The following SSH2 variants were observed in gnomAD, a reference collection of about 807,000 sequenced individuals.
The protein encoded by SSH2 is slingshot protein phosphatase 2.
Under a neutral mutation model 135.2 loss-of-function variants are expected in SSH2, and 37 were observed. The observed-to-expected ratio is 0.27, with a 90% CI of 0.21 to 0.36. The LOEUF (loss-of-function observed/expected upper bound fraction) is 0.36, where lower values mean the gene tolerates loss of function less well. Among genes scored for constraint, SSH2 ranks in the 10% least tolerant of loss-of-function variants. The pLI, the probability that SSH2 is intolerant of heterozygous loss-of-function variation, is 1.00. For missense variants in SSH2, 1,408 were observed against 1,765.3 expected, an observed-to-expected ratio of 0.80 and a Z score of 3.63; for synonymous variants, 628 against 646.2, an observed-to-expected ratio of 0.97 and a Z score of 0.43.
rs1187618605 is a variant in SSH2, at chr17:29,684,567, C to A, written c.475G>T (p.Asp159Tyr). 3 of 1,609,040 alleles carry A rather than the reference C, an allele frequency of 1.9e-6. No homozygotes were observed. The highest frequency in any genetic ancestry group is 2.2e-5 in the South Asian group (2 of 90,844). Reference sequence around the variant, plus strand: ...TTTGAAATGGTACCACCATACCTGTCATTAGAGGAGAAATCCATTCCTAGG... The same window carrying A: ...TTTGAAATGGTACCACCATACCTGTAATTAGAGGAGAAATCCATTCCTAGG... Reference protein sequence around the residue: ...IVLGMDFSSNDSSTCTMGLVL... With the variant: ...IVLGMDFSSNYSSTCTMGLVL... The change falls in exon 6 of 16, where the codon GAC (aspartate) becomes TAC (tyrosine). Residue 159 changes from aspartate (D) to tyrosine (Y), a missense_variant. Physicochemically the swap from Asp to Tyr is radical, Grantham distance 160 (BLOSUM62 -3). Around this residue, in one of 3 missense-constraint regions of SSH2, gnomAD observed 222 missense variants for 355.6 expected, o/e 0.62. Transcript: ENST00000540801.
chr17:29,684,046 G>C (rs2038101065), intron 6 of SSH2, among the ~76,000 whole-genome samples: 1 of 152,124 alleles, frequency 6.6e-6, no homozygotes, highest in Non-Finnish European at 1.5e-5. Flanking sequence ...TGAAGGTATG[G>C]AATAATGGTA....
intron 3 of SSH2, among the ~76,000 whole-genome samples, chr17:29,792,800 C>G (rs1352314585): frequency 6.6e-6 from 1 of 152,188 alleles, no homozygotes; most frequent in Non-Finnish European, 1.5e-5. Flanking sequence ...CCTCAGCCTC[C>G]TGAGTAGCTG....
At chr17:29,891,568 T>A in intron 1 of SSH2, among the ~76,000 whole-genome samples, 1 of 151,430 alleles carries the variant, frequency 6.6e-6, no homozygotes, top group Non-Finnish European at 1.5e-5. Flanking sequence ...AATTCTAAAA[T>A]GTTGAATATT....
At chr17:29,713,765 A>G (rs2039522896) in intron 3 of SSH2, among the ~76,000 whole-genome samples, 1 of 152,110 alleles carries the variant, frequency 6.6e-6, no homozygotes. Flanking sequence ...TTCTCATGAC[A>G]CCACTGCTGT....
intron 1 of SSH2, among the ~76,000 whole-genome samples, chr17:29,916,989 TTC>T (rs775177669): frequency 3.2e-4 from 49 of 152,044 alleles, no homozygotes; most frequent in Non-Finnish European, 5.4e-4. Flanking sequence ...TAAATATAAT[TTC>T]TTACATTTCC....
At chr17:29,916,408 G>C (rs1194480452) in intron 1 of SSH2, among the ~76,000 whole-genome samples, 1 of 151,870 alleles carries the variant, frequency 6.6e-6, no homozygotes, top group Non-Finnish European at 1.5e-5. Context: ...AATTTAAGCA[G>C]ACAGTTTTCC....
chr17:29,676,970 TAA>T, intron 7 of SSH2, 85 bp from the exon 8 acceptor site: 1 of 1,117,352 alleles, frequency 8.9e-7, no homozygotes, highest in East Asian at 2.4e-5. Flanking sequence ...TATCCCAGGC[TAA>T]AAACAACTGG....
chr17:29,632,102 G>T lies in SSH2; in HGVS notation c.3092C>A (p.Pro1031His). Reference protein sequence around the residue: ...QESETQAVPLPLPKRVEIIEY... With the variant: ...QESETQAVPLHLPKRVEIIEY... ...AATGATTTCTACCCTCTTGGGAAGG[G>T]GAAGAGGGACTGCTTGTGTTTCAGA... Residue 1031 changes from proline (P) to histidine (H), a missense_variant, in exon 16 of 16, where the codon CCC (proline) becomes CAC (histidine). Transcript: ENST00000540801. 1 of 1,614,170 alleles carries T rather than the reference G, an allele frequency of 6.2e-7. No homozygotes were observed. Among genetic ancestry groups the T allele is most frequent in the Non-Finnish European group, 8.5e-7 (1 of 1,180,022 alleles).
chr17:29,856,237 T>C, intron 1 of SSH2: 1 of 318,188 alleles, frequency 3.1e-6, no homozygotes, highest in South Asian at 2.7e-5. Context: ...TGCTTTGATT[T>C]AGCAATCCAC....
At chr17:29,797,119 T>C (rs547167611) in intron 2 of SSH2, among the ~76,000 whole-genome samples, 1 of 135,124 alleles carries the variant, frequency 7.4e-6, no homozygotes, top group East Asian at 2.0e-4. Context: ...CCACCACACC[T>C]GGCCAGTTTT....
intron 2 of SSH2, among the ~76,000 whole-genome samples, chr17:29,842,139 G>GTGGGGGT (rs112916281): frequency 3.3e-5 from 5 of 150,862 alleles, no homozygotes; most frequent in Admixed American, 6.6e-5. Flanking sequence ...TTTAACTGGA[G>GTGGGGGT]GAGACCCTGT....
intron 5 of SSH2, among the ~76,000 whole-genome samples, chr17:29,695,252 T>G (rs2038677651): frequency 6.6e-6 from 1 of 152,244 alleles, no homozygotes; most frequent in African/African-American, 2.4e-5. Context: ...TTTTCTGAAC[T>G]TCAATTGTAA....
At chr17:29,761,553 C>T (rs1023585779) in intron 3 of SSH2, 26 of 478,852 alleles carry the variant, frequency 5.4e-5, no homozygotes, top group African/African-American at 6.4e-5. Context: ...CCGCGCGGAT[C>T]CCGCAGCGCG....
intron 1 of SSH2, among the ~76,000 whole-genome samples, chr17:29,913,350 A>AAAAAAAAAAAAAT: frequency 3.2e-5 from 1 of 30,876 alleles, no homozygotes; most frequent in South Asian, 1.3e-3. Flanking sequence ...AAAAAAAAAT[A>AAAAAAAAAAAAAT]TATATATATA....
chr17:29,707,651 G>A (rs922086921), intron 3 of SSH2, among the ~76,000 whole-genome samples: 12 of 151,720 alleles, frequency 7.9e-5, no homozygotes, highest in African/African-American at 2.2e-4. Flanking sequence ...TCAGCCTCGC[G>A]AACAGCTGGG....
intron 8 of SSH2, among the ~76,000 whole-genome samples, chr17:29,674,460 G>A (rs976816272): frequency 2.0e-5 from 3 of 152,018 alleles, no homozygotes; most frequent in African/African-American, 4.8e-5. Context: ...CTGGTGCAAC[G>A]GTCCTAAAAT....
At chr17:29,741,921 C>T (rs1458459988) in intron 3 of SSH2, among the ~76,000 whole-genome samples, 1 of 142,496 alleles carries the variant, frequency 7.0e-6, no homozygotes, top group Non-Finnish European at 1.5e-5. Context: ...AGCCAGCAAT[C>T]TCATTTTTTT....
chr17:29,732,645 G>C (rs1354863091), intron 3 of SSH2, among the ~76,000 whole-genome samples: 3 of 152,146 alleles, frequency 2.0e-5, no homozygotes, highest in African/African-American at 7.2e-5. Context: ...TATCAGCCAA[G>C]TTCACACCTC....
At chr17:29,814,824 TTAC>T (rs1201434894) in intron 2 of SSH2, among the ~76,000 whole-genome samples, 1 of 152,146 alleles carries the variant, frequency 6.6e-6, no homozygotes, top group African/African-American at 2.4e-5. Context: ...TTATAAATGA[TTAC>T]TTTCTTATAT....
Sources: gnomAD v4.1 joint callset for allele counts (sites outside exome capture counted in the v4.1 genomes callset) on GRCh38, gnomAD v4.1.1 for gene constraint, gnomAD v4.1.1 regional missense constraint, MANE v1.5 for transcripts, NCBI Gene and HGNC (gene_info 2026-07-23, HGNC 2026-07-21) for gene names.